WDR1: variants seen among roughly 807,000 people sequenced by gnomAD.
WDR1 encodes WD repeat-containing protein 1.
In WDR1, 21 loss-of-function variants were observed where a neutral mutation model predicts 71.9. That is an observed-to-expected ratio of 0.29 (90% CI 0.21 to 0.42). The LOEUF (loss-of-function observed/expected upper bound fraction) is 0.42. WDR1 is among the 10% of genes least tolerant of loss of function. WDR1 has a pLI of 1.00. For missense variants in WDR1, 696 were observed against 824.5 expected (o/e 0.84, Z 1.91); for synonymous variants, 424 against 347.4 (o/e 1.22, Z -2.45).
chr4:10,110,760 C>T (rs1713300527), intron 2 of WDR1, among the ~76,000 whole-genome samples: 1 of 152,224 alleles, frequency 6.6e-6, no homozygotes. Context: ...GTACCCCTGG[C>T]ATTTGGGGCT....
Position 10,116,223 on chromosome 4 carries a change from C to A in WDR1, c.28G>T (p.Ala10Ser). Residue 10 changes from alanine to serine, a missense_variant, in exon 2 of 15, where the codon GCC becomes TCC. Ala to Ser is a moderately conservative substitution (Grantham distance 99, BLOSUM62 1). Coordinates refer to ENST00000499869, the MANE Select transcript of WDR1 (RefSeq NM_017491.5). The stretch of plus-strand genomic sequence containing the variant: ...CCCCTCTCCACCTGCGGGAGGCTGG[C>A]GAACACCTTCTCTGCGGAGACACAA... MPYEIKKVFASLPQVERGVS... is the reference protein window; with the variant it reads MPYEIKKVFSSLPQVERGVS... 1 of 1,613,388 alleles carries A rather than the reference C, an allele frequency of 6.2e-7. No homozygotes were observed. The highest frequency in any genetic ancestry group is 8.5e-7 in the Non-Finnish European group (1 of 1,179,778).
At chr4:10,102,828 T>C (rs920196895) in intron 3 of WDR1, among the ~76,000 whole-genome samples, 1 of 152,180 alleles carries the variant, frequency 6.6e-6, no homozygotes, top group Non-Finnish European at 1.5e-5. Flanking sequence ...AATTTGGTCA[T>C]AGCTGTCACT....
intron 8 of WDR1, among the ~76,000 whole-genome samples, chr4:10,086,472 G>A (rs540164871): frequency 3.9e-5 from 6 of 152,306 alleles, no homozygotes; most frequent in African/African-American, 7.2e-5. Flanking sequence ...CACACACAAC[G>A]TTAACGAGGC....
intron 2 of WDR1, among the ~76,000 whole-genome samples, chr4:10,105,426 C>T (rs566432787): frequency 3.5e-4 from 53 of 152,314 alleles, no homozygotes; most frequent in Middle Eastern, 6.8e-3. Flanking sequence ...ATAAATTAAT[C>T]CATTTTGGGA....
rs548677012 is a variant in WDR1 at position 10,102,155 on chromosome 4, AG to A, written c.229+1740del. Among the ~76,000 whole-genome samples the A allele has an allele frequency of 3.5e-3, 531 of 152,350 alleles. 3 individuals carry two copies. Among genetic ancestry groups the A allele is most frequent in the Non-Finnish European group, 3.9e-3 (264 of 68,032 alleles). The stretch of plus-strand genomic sequence containing the variant: ...TTTTGTGACAGGTAACGGGTCACCC[AG>A]GGGTAAGTACCCATTAGTGCAACAG... On this transcript the variant is annotated intron_variant, in intron 3 of 14. Coordinates refer to ENST00000499869, the MANE Select transcript of WDR1 (RefSeq NM_017491.5).
chr4:10,113,277 C>T (rs188836382), intron 2 of WDR1, among the ~76,000 whole-genome samples: 216 of 152,292 alleles, frequency 1.4e-3, no homozygotes, highest in African/African-American at 4.9e-3. Context: ...AGGAGATTTG[C>T]CTGAACCCGG....
chr4:10,075,523 T>C (rs1764767682), intron 14 of WDR1, 39 bp from the exon 15 acceptor site: 1 of 1,572,852 alleles, frequency 6.4e-7, no homozygotes, highest in African/African-American at 1.3e-5. Flanking sequence ...AAGCCAAACT[T>C]CTCTGCAACT....
intron 3 of WDR1, among the ~76,000 whole-genome samples, chr4:10,103,071 T>C (rs575999562): frequency 2.0e-5 from 3 of 152,182 alleles, no homozygotes; most frequent in Middle Eastern, 3.4e-3. Flanking sequence ...TAAAAAAACA[T>C]CCTTCAAGAG....
At chr4:10,085,575 C>A (rs558600354) in intron 8 of WDR1, among the ~76,000 whole-genome samples, 1 of 152,240 alleles carries the variant, frequency 6.6e-6, no homozygotes, top group Non-Finnish European at 1.5e-5. Flanking sequence ...CAAATCAGAA[C>A]GTGCACTCGG....
chr4:10,093,488 C>T (rs1230245271), intron 5 of WDR1, among the ~76,000 whole-genome samples: 1 of 152,278 alleles, frequency 6.6e-6, no homozygotes, highest in Admixed American at 6.5e-5. Context: ...AGCCCTGCAG[C>T]CCGGTCCACT....
At chr4:10,078,204 C>T (rs1003812219) in intron 12 of WDR1, among the ~76,000 whole-genome samples, 8 of 152,196 alleles carry the variant, frequency 5.3e-5, no homozygotes, top group East Asian at 1.9e-4. Flanking sequence ...TGGTCACATC[C>T]GGCACCTGAA....
intron 8 of WDR1, among the ~76,000 whole-genome samples, chr4:10,086,116 A>G (rs928081574): frequency 2.0e-5 from 3 of 152,038 alleles, no homozygotes; most frequent in Non-Finnish European, 4.4e-5. Flanking sequence ...CTCATGGGAA[A>G]CTGTTTTTCT....
chr4:10,075,585 A>C, intron 14 of WDR1, 101 bp from the exon 15 acceptor site: 1 of 1,108,670 alleles, frequency 9.0e-7, no homozygotes, highest in African/African-American at 1.5e-5. Flanking sequence ...AATCATCTCC[A>C]GGGCCAAGAA....
At chr4:10,108,999 G>A (rs990801892) in intron 2 of WDR1, among the ~76,000 whole-genome samples, 5 of 152,192 alleles carry the variant, frequency 3.3e-5, no homozygotes, top group Non-Finnish European at 7.3e-5. Context: ...GCCAAATACC[G>A]ACAAAGACCA....
intron 1 of WDR1, 47 bp downstream of exon 1, chr4:10,116,604 C>T (rs561466803): frequency 5.9e-6 from 7 of 1,183,546 alleles, no homozygotes; most frequent in South Asian, 3.9e-5. Context: ...GGACCGGGGC[C>T]GGGGCAGCGC....
chr4:10,111,204 G>A (rs1475109729), intron 2 of WDR1, among the ~76,000 whole-genome samples: 2 of 152,210 alleles, frequency 1.3e-5, no homozygotes, highest in African/African-American at 2.4e-5. Flanking sequence ...TGGTAGGGCT[G>A]TGTGAGCCAC....
intron 3 of WDR1, among the ~76,000 whole-genome samples, chr4:10,102,373 G>A (rs1343282232): frequency 1.3e-5 from 2 of 152,230 alleles, no homozygotes; most frequent in African/African-American, 4.8e-5. Context: ...AATCCCCAAT[G>A]CATCAGAGGC....
rs572935199 is a variant in WDR1, at chr4:10,090,777, G to A, written c.559-2036C>T. On this transcript the variant is annotated intron_variant, in intron 5 of 14. Transcript: ENST00000499869. ...CGGAGAAATCACACATTCTGACAAGGGGAGTCCCAGTGCTCCTCGGGAGCT... is the reference window on the plus strand; with the variant it reads ...CGGAGAAATCACACATTCTGACAAGAGGAGTCCCAGTGCTCCTCGGGAGCT... 2.7e-4 allele frequency among the ~76,000 whole-genome samples: 41 copies of A among 152,366 alleles called. 1 individual carries two copies. The highest frequency in any genetic ancestry group is 5.9e-4 in the Admixed American group (9 of 15,306).
intron 5 of WDR1, among the ~76,000 whole-genome samples, chr4:10,094,048 G>A (rs1712174945): frequency 6.6e-6 from 1 of 152,208 alleles, no homozygotes; most frequent in African/African-American, 2.4e-5. Flanking sequence ...CAGGGCAGAG[G>A]CAATGGAACA....
Sources: allele counts gnomAD v4.1 joint callset (sites outside exome capture counted in the v4.1 genomes callset), GRCh38; gene constraint gnomAD v4.1.1; transcripts MANE v1.5; gene names NCBI Gene and HGNC (gene_info 2026-07-23, HGNC 2026-07-21).